Variants in NFKBID observed in about 807,000 individuals in gnomAD.
The protein encoded by NFKBID is NF-kappa-B inhibitor delta.
In NFKBID, 26 loss-of-function variants were observed where a neutral mutation model predicts 53.4. The observed-to-expected ratio is 0.49, with a 90% CI of 0.36 to 0.68. The LOEUF (loss-of-function observed/expected upper bound fraction) is 0.68, where lower values mean the gene tolerates loss of function less well. NFKBID is among the 30% of genes least tolerant of loss of function. The pLI, the probability that NFKBID is intolerant of heterozygous loss-of-function variation, is 0.00. For synonymous variants in NFKBID, 262 were observed against 259.8 expected (o/e 1.01, Z -0.08); for missense variants, 493 against 614.1 (o/e 0.80, Z 2.08).
intron 1 of NFKBID, 29 bp from the exon 2 acceptor site, chr19:35,898,851 T>C (rs1452296361): frequency 6.6e-7 from 1 of 1,515,738 alleles, no homozygotes; most frequent in Non-Finnish European, 8.9e-7. Flanking sequence ...GGGGAAGTCA[T>C]CAAGGGTCCT....
At chr19:35,888,577 C>A (rs142460503) in exon 12 of NFKBID, 1 of 1,570,678 alleles carries the variant, frequency 6.4e-7, no homozygotes, top group South Asian at 1.2e-5. Context: ...ACAGGCCTGG[C>A]GGCGCCACAC....
At chr19:35,898,890 G>A in intron 1 of NFKBID, 68 bp from the exon 2 acceptor site, 9 of 1,289,484 alleles carry the variant, frequency 7.0e-6, no homozygotes, top group South Asian at 1.3e-5. Context: ...CGGGGGTGGC[G>A]CGCGGGGAGT....
upstream of NFKBID, chr19:35,902,282 A>G: frequency 1.4e-6 from 1 of 707,804 alleles, no homozygotes; most frequent in Non-Finnish European, 2.6e-6. Context: ...ACACACCCAC[A>G]TTCATTTAAT....
In NFKBID at chr19:35,898,415, G is replaced by C. The variant is rs1343854291; in HGVS notation, c.226+57C>G. On this transcript the variant is annotated intron_variant, in intron 3 of 11. Transcript: ENST00000641389. The stretch of plus-strand genomic sequence containing the variant: ...GGTGTCCCAAAGTTCTGAGAGCTGC[G>C]ATGTCTGAGTCCCTTAGGGAAGGGG... 8 of 1,116,822 alleles carry C rather than the reference G, an allele frequency of 7.2e-6. 1 individual carries two copies. Among genetic ancestry groups the C allele is most frequent in the East Asian group, 2.6e-5 (1 of 39,090 alleles). The allele number at this position is 1,116,822 out of a possible 1,614,324, so 69.2% of individuals were successfully genotyped here.
intron 4 of NFKBID, 22 bp from the exon 5 acceptor site, chr19:35,897,080 A>C (rs894923353): frequency 1.9e-6 from 3 of 1,590,452 alleles, no homozygotes; most frequent in Non-Finnish European, 2.6e-6. Context: ...AAGATCCTAC[A>C]TAGAACTGGG....
rs1975179481 is a variant in NFKBID, at chr19:35,896,652, T to C, written c.684+74A>G. 7.2e-7 allele frequency: 1 copy of C among 1,389,256 alleles called. No individual in the cohort carries two copies. Among genetic ancestry groups the C allele is most frequent in the Admixed American group, 1.8e-5 (1 of 54,482 alleles). 86.1% of individuals were successfully genotyped at this position (1,389,256 alleles called of 1,614,324 possible). A position where few individuals can be genotyped will look rare whatever the true frequency, so the allele number is the denominator to read the frequency against. The stretch of plus-strand genomic sequence containing the variant: ...GAGCTCACCCCCCATTCCCCTCTTC[T>C]CTAGGATCCAGGGGTCCAGGCCCCA... On this transcript the variant is annotated intron_variant, in intron 6 of 11. Coordinates refer to ENST00000641389, the Ensembl canonical transcript of NFKBID. This position sits in a 1 kb window ranked among gnomAD's most constrained non-coding sequence, Gnocchi z 5.7.
chr19:35,892,729 G>A (rs915400471), intron 9 of NFKBID, among the ~76,000 whole-genome samples: 1 of 152,040 alleles, frequency 6.6e-6, no homozygotes, highest in African/African-American at 2.4e-5. Flanking sequence ...TCTTTTTATT[G>A]TCTAAGAGCT....
At chr19:35,893,678 G>A (rs1974935699) in intron 9 of NFKBID, among the ~76,000 whole-genome samples, 1 of 151,998 alleles carries the variant, frequency 6.6e-6, no homozygotes, top group South Asian at 2.1e-4. Context: ...AATTTAGCCG[G>A]GCGTGGTGGC....
Position 35,896,375 on chromosome 19 carries a change from C to T in NFKBID, c.831+17G>A, listed in dbSNP as rs1975151651. ...GTCTACCCCCCAGACAAACCCCTGC[C>T]TGCCAGCTGGCCATACCAAGAGAAC... On this transcript the variant is annotated intron_variant, in intron 7 of 11. Transcript: ENST00000641389. The surrounding 1 kb of genome is among the most constrained non-coding windows in gnomAD (Gnocchi z 5.7). The T allele has an allele frequency of 6.2e-7, 1 of 1,614,046 alleles. No individual in the cohort carries two copies. The highest frequency in any genetic ancestry group is 8.5e-7 in the Non-Finnish European group (1 of 1,180,008).
Position 35,896,422 on chromosome 19 carries a change from G to A in NFKBID, c.801C>T (p.Ala267=), listed in dbSNP as rs200569784. The A allele has an allele frequency of 3.3e-5, 53 of 1,614,156 alleles. No individual in the cohort carries two copies. Among genetic ancestry groups the A allele is most frequent in the Admixed American group, 1.2e-4 (7 of 60,016 alleles). The stretch of plus-strand genomic sequence containing the variant: ...GAACTCCTGGGAGCCCGTAGGTAGC[G>A]GCCACGTGCAAGACCGAACGTCCCT... The change falls in exon 7 of 12, where the codon GCC becomes GCT. Residue 267 remains alanine, a synonymous_variant. Transcript: ENST00000641389. This position sits in a 1 kb window ranked among gnomAD's most constrained non-coding sequence, Gnocchi z 5.7.
rs201778665 is a variant in NFKBID at position 35,892,740 on chromosome 19, CCTT to C, written c.1033-2253_1033-2251del. Among the ~76,000 whole-genome samples the C allele has an allele frequency of 9.3e-4, 142 of 152,240 alleles. No individual in the cohort carries two copies. In the East Asian group the frequency reaches 0.022, roughly 24 times the overall value. The stretch of plus-strand genomic sequence containing the variant: ...CCAATCTTTTTATTGTCTAAGAGCT[CCTT>C]CTACATTCCCAAGGCAGCTCTCATC... On this transcript the variant is annotated intron_variant, in intron 9 of 11. Coordinates refer to ENST00000641389, the Ensembl canonical transcript of NFKBID.
At chr19:35,888,744 C>T (rs1974550300) in intron 11 of NFKBID, 132 bp from the exon 12 acceptor site, 7 of 694,632 alleles carry the variant, frequency 1.0e-5, no homozygotes, top group South Asian at 1.0e-4. Context: ...ATCAGAGGTC[C>T]AGAGTCAAGA....
At chr19:35,897,536 G>C in intron 4 of NFKBID, 115 bp downstream of exon 4, 1 of 710,632 alleles carries the variant, frequency 1.4e-6, no homozygotes, top group African/African-American at 1.8e-5. Context: ...GAGCCACCAC[G>C]CCCGGCCTGG....
At chr19:35,889,081 G>A (rs1974570661) in intron 11 of NFKBID, among the ~76,000 whole-genome samples, 2 of 150,548 alleles carry the variant, frequency 1.3e-5, no homozygotes, top group South Asian at 4.2e-4. Context: ...GAGGCCGGGA[G>A]TGATGGTTCC....
intron 9 of NFKBID, among the ~76,000 whole-genome samples, chr19:35,891,476 T>G (rs1158716280): frequency 6.6e-6 from 1 of 152,160 alleles, no homozygotes; most frequent in African/African-American, 2.4e-5. Flanking sequence ...AATTATCATT[T>G]TACAGCCAAA....
intron 1 of NFKBID, 90 bp from the exon 2 acceptor site, chr19:35,898,912 C>A (rs550812424): frequency 3.9e-4 from 340 of 871,638 alleles, no homozygotes; most frequent in Non-Finnish European, 5.6e-4. Flanking sequence ...GGTTTGGGCA[C>A]CCTCCTCGCC....
At position 35,898,000 on chromosome 19, in the gene NFKBID, A is replaced by G. The variant is rs990656108; in HGVS notation, c.227-144T>C. 6 of 629,850 alleles carry G rather than the reference A, an allele frequency of 9.5e-6. No homozygotes were observed. The African/African-American group carries it at 1.1e-4, about 12-fold the overall frequency. 39.0% of individuals were successfully genotyped at this position (629,850 alleles called of 1,614,324 possible). A position where few individuals can be genotyped will look rare whatever the true frequency, so the allele number is the denominator to read the frequency against. On this transcript the variant is annotated intron_variant, in intron 3 of 11. Coordinates refer to ENST00000641389, the Ensembl canonical transcript of NFKBID. The stretch of plus-strand genomic sequence containing the variant: ...AGCTCCCGGGACCTGGATTCCTGGG[A>G]CACTGAGGAATTGAGGGCCTGGACT...
At chr19:35,895,045 T>C (rs1356431520) in intron 9 of NFKBID, among the ~76,000 whole-genome samples, 1 of 151,506 alleles carries the variant, frequency 6.6e-6, no homozygotes, top group African/African-American at 2.4e-5. Flanking sequence ...TCCTTTTCAG[T>C]AAAATAGAGA....
Position 35,896,199 on chromosome 19 carries a change from C to T in NFKBID, c.883+19G>A. The T allele has an allele frequency of 6.2e-7, 1 of 1,614,216 alleles. No individual in the cohort carries two copies. The highest frequency in any genetic ancestry group is 8.5e-7 in the Non-Finnish European group (1 of 1,180,014). On this transcript the variant is annotated intron_variant, in intron 8 of 11. Transcript: ENST00000641389. The surrounding 1 kb of genome is among the most constrained non-coding windows in gnomAD (Gnocchi z 5.7). ...CCCAGCCACACCAACCACACCAGCCCTGCCCACACCCAACTTACCCTCGAA... is the reference window on the plus strand; with the variant it reads ...CCCAGCCACACCAACCACACCAGCCTTGCCCACACCCAACTTACCCTCGAA...
Sources: allele counts gnomAD v4.1 joint callset (sites outside exome capture counted in the v4.1 genomes callset), GRCh38; gene constraint gnomAD v4.1.1; non-coding constraint Gnocchi (gnomAD v3.1); transcripts MANE v1.5; gene names NCBI Gene and HGNC (gene_info 2026-07-23, HGNC 2026-07-21).